Variants in GLG1 observed in about 807,000 individuals in gnomAD.
The protein encoded by GLG1 is Golgi apparatus protein 1.
Under a neutral mutation model 160.5 loss-of-function variants are expected in GLG1, and 38 were observed. The ratio of observed to expected loss-of-function variants is 0.24; its 90% confidence interval spans 0.18 to 0.31. The LOEUF (loss-of-function observed/expected upper bound fraction) is 0.31, where lower values mean the gene tolerates loss of function less well. Among genes scored for constraint, GLG1 ranks in the 10% least tolerant of loss-of-function variants. The probability of loss-of-function intolerance (pLI) is 1.00; values close to 1 mark genes in which losing one functional copy is unlikely to be tolerated. For missense variants in GLG1, 1,373 were observed against 1,505.2 expected (o/e 0.91, Z 1.45); for synonymous variants, 644 against 543.4 (o/e 1.19, Z -2.57).
intron 1 of GLG1, among the ~76,000 whole-genome samples, chr16:74,545,270 TCC>T (rs1436656119): frequency 2.0e-4 from 31 of 152,100 alleles, no homozygotes; most frequent in Non-Finnish European, 3.8e-4. Flanking sequence ...AGCCTCAACC[TCC>T]CAGCCTCAAG....
intron 2 of GLG1, among the ~76,000 whole-genome samples, chr16:74,528,433 AT>A (rs2017410155): frequency 6.6e-6 from 1 of 151,816 alleles, no homozygotes; most frequent in Admixed American, 6.6e-5. Context: ...GCCAGCTGTC[AT>A]TTTCCTTCCC....
Position 74,471,201 on chromosome 16 carries a change from C to T in GLG1, c.2201G>A (p.Cys734Tyr). 1 of 1,610,488 alleles carries T rather than the reference C, an allele frequency of 6.2e-7. No individual in the cohort carries two copies. The highest frequency in any genetic ancestry group is 1.1e-5 in the South Asian group (1 of 91,010). The change falls in exon 15 of 26, where the codon TGT becomes TAT. Residue 734 changes from cysteine to tyrosine, a missense_variant. By Grantham distance (194) the Cys-to-Tyr change is radical (BLOSUM62 -2). Transcript: ENST00000422840. ...NKHQKDMNEK[C>Y]AIGVTHFQLV... ...CTGGAAGTGGGTAACTCCGATGGCA[C>T]ACTTCTCGTTCATGTCCTTCTGGTG... is the stretch of plus-strand genomic sequence containing the variant.
chr16:74,543,802 C>G (rs2017969560), intron 1 of GLG1, among the ~76,000 whole-genome samples: 2 of 151,920 alleles, frequency 1.3e-5, no homozygotes, highest in Non-Finnish European at 1.5e-5. Context: ...GTACAAAGTA[C>G]AAAAGACCGG....
At chr16:74,606,634 C>A (rs1335769219) in intron 1 of GLG1, 23 bp downstream of exon 1, 2 of 1,533,948 alleles carry the variant, frequency 1.3e-6, no homozygotes, top group East Asian at 2.3e-5. Context: ...CCTGGCCCTC[C>A]CGGCTTCGTC....
intron 4 of GLG1, among the ~76,000 whole-genome samples, chr16:74,501,542 G>C (rs963698222): frequency 1.3e-5 from 2 of 152,186 alleles, no homozygotes; most frequent in African/African-American, 4.8e-5. Flanking sequence ...CATACATGGA[G>C]GTGACAATTC....
chr16:74,492,911 C>G, intron 7 of GLG1, 46 bp downstream of exon 7: 1 of 1,249,558 alleles, frequency 8.0e-7, no homozygotes, highest in Non-Finnish European at 1.1e-6. Flanking sequence ...AGTGTGAATC[C>G]AAAAAGGAAC....
chr16:74,600,405 G>C (rs1958413810), intron 1 of GLG1, among the ~76,000 whole-genome samples: 1 of 151,496 alleles, frequency 6.6e-6, no homozygotes, highest in Non-Finnish European at 1.5e-5. Context: ...AGAAAAAAAA[G>C]AACAAGGACA....
intron 1 of GLG1, among the ~76,000 whole-genome samples, chr16:74,548,728 G>A (rs1411389693): frequency 5.9e-5 from 9 of 152,172 alleles, no homozygotes; most frequent in Non-Finnish European, 1.5e-5. Context: ...AGGTACAGTA[G>A]CTCAGGCCTG....
chr16:74,454,398 G>A (rs2014443652), intron 25 of GLG1, among the ~76,000 whole-genome samples: 1 of 151,000 alleles, frequency 6.6e-6, no homozygotes. Flanking sequence ...GCCAGGCATG[G>A]TGGCTCACGC....
At chr16:74,478,370 C>A (rs1008252107) in intron 11 of GLG1, among the ~76,000 whole-genome samples, 1 of 151,924 alleles carries the variant, frequency 6.6e-6, no homozygotes, top group African/African-American at 2.4e-5. Context: ...GAAGAATTAG[C>A]AGAGGGTAAA....
chr16:74,607,042 T>G lies in GLG1; in HGVS notation c.53A>C (p.His18Pro), dbSNP rs1448321282. Residue 18 changes from histidine to proline, a missense_variant, in exon 1 of 26, where the codon CAT becomes CCT. By Grantham distance (77) the His-to-Pro change is moderately conservative. Transcript: ENST00000422840. ...RRMFRLSAAL[H>P]LLLLFAAGAE... ...CCCGGCCGCGAATAGCAGCAGCAGA[T>G]GCAGCGCCGCCGACAAGCGGAACAT... is the stretch of plus-strand genomic sequence containing the variant. 7 of 1,593,532 alleles carry G rather than the reference T, an allele frequency of 4.4e-6. No individual in the cohort carries two copies. In the African/African-American group the frequency reaches 9.4e-5, roughly 21 times the overall value.
intron 3 of GLG1, among the ~76,000 whole-genome samples, chr16:74,508,173 G>C (rs2016681082): frequency 6.6e-6 from 1 of 151,954 alleles, no homozygotes; most frequent in East Asian, 1.9e-4. Flanking sequence ...TTCATCAATA[G>C]GGCCAGCTTG....
intron 1 of GLG1, among the ~76,000 whole-genome samples, chr16:74,583,730 A>G (rs1957987080): frequency 6.6e-6 from 1 of 152,082 alleles, no homozygotes; most frequent in Non-Finnish European, 1.5e-5. Flanking sequence ...CCTTCAGCTC[A>G]ATCATCATCT....
In GLG1 at chr16:74,451,925, GC is replaced by G; in HGVS notation, c.*1241del. On this transcript the variant is annotated 3_prime_UTR_variant, in exon 26 of 26. Coordinates refer to ENST00000422840, the MANE Select transcript of GLG1 (RefSeq NM_001145667.2). ...CCAATGCCTACTAGAGTGGGTACAC[GC>G]AGCAAATGGACAGAAAGAAAAAAAA... 1.4e-6 allele frequency: 1 copy of G among 703,066 alleles called. No homozygotes were observed. Among genetic ancestry groups the G allele is most frequent in the Non-Finnish European group, 2.5e-6 (1 of 395,168 alleles). The allele number at this position is 703,066 out of a possible 1,614,324, so 43.6% of individuals were successfully genotyped here.
intron 1 of GLG1, among the ~76,000 whole-genome samples, chr16:74,577,658 G>C (rs937296496): frequency 6.6e-6 from 1 of 151,904 alleles, no homozygotes; most frequent in Non-Finnish European, 1.5e-5. Flanking sequence ...CTGTCACCCA[G>C]GATGGAGGGT....
At position 74,518,975 on chromosome 16, in the gene GLG1, C is replaced by T. The variant is rs1164762897; in HGVS notation, c.472-10050G>A. On this transcript the variant is annotated intron_variant, in intron 2 of 25. Coordinates refer to ENST00000422840, the MANE Select transcript of GLG1 (RefSeq NM_001145667.2). ...AGAAATACCATTTGACCCAGCAATCCCATCACTAGGCATATACCTAAAGGA... is the reference window on the plus strand; with the variant it reads ...AGAAATACCATTTGACCCAGCAATCTCATCACTAGGCATATACCTAAAGGA... Among the ~76,000 whole-genome samples the T allele has an allele frequency of 3.3e-5, 5 of 152,182 alleles. No individual in the cohort carries two copies. The East Asian group carries it at 9.7e-4, about 29-fold the overall frequency.
chr16:74,460,024 T>A (rs1411280602), intron 22 of GLG1, among the ~76,000 whole-genome samples: 1 of 62,342 alleles, frequency 1.6e-5, no homozygotes. Context: ...CCTGGCTGAT[T>A]TTTTTTTTTT....
intron 2 of GLG1, among the ~76,000 whole-genome samples, chr16:74,518,531 C>T (rs2017059495): frequency 6.6e-6 from 1 of 152,146 alleles, no homozygotes; most frequent in African/African-American, 2.4e-5. Flanking sequence ...GTTCCTTACA[C>T]CTTATACAAA....
At chr16:74,597,023 G>A (rs921653057) in intron 1 of GLG1, among the ~76,000 whole-genome samples, 1 of 152,066 alleles carries the variant, frequency 6.6e-6, no homozygotes, top group African/African-American at 2.4e-5. Flanking sequence ...GGAGGCTGAG[G>A]TGGGATGATC....
Sources: allele counts gnomAD v4.1 joint callset (sites outside exome capture counted in the v4.1 genomes callset), GRCh38; gene constraint gnomAD v4.1.1; transcripts MANE v1.5; gene names NCBI Gene and HGNC (gene_info 2026-07-23, HGNC 2026-07-21).